The following RBMS3 variants were observed in gnomAD, a reference collection of about 807,000 sequenced individuals.
RBMS3 encodes RNA binding motif single stranded interacting protein 3.
A neutral mutation model predicts 66.8 loss-of-function variants in RBMS3; 27 were observed. The ratio of observed to expected loss-of-function variants is 0.40; its 90% confidence interval spans 0.30 to 0.56. The LOEUF (loss-of-function observed/expected upper bound fraction) is 0.56. Among genes scored for constraint, RBMS3 ranks in the 20% least tolerant of loss-of-function variants. The probability of loss-of-function intolerance (pLI) is 0.40; values close to 1 mark genes in which losing one functional copy is unlikely to be tolerated. For missense variants in RBMS3, 513 were observed against 549.5 expected, an observed-to-expected ratio of 0.93 and a Z score of 0.66; for synonymous variants, 188 against 183.0, an observed-to-expected ratio of 1.03 and a Z score of -0.22.
At chr3:29,875,302 C>T (rs780020237) in intron 7 of RBMS3, among the ~76,000 whole-genome samples, 1 of 152,088 alleles carries the variant, frequency 6.6e-6, no homozygotes, top group Non-Finnish European at 1.5e-5. Context: ...GTCAATTAGC[C>T]AAATTCCTGG....
chr3:29,437,999 A>G (rs1229999498), intron 2 of RBMS3, among the ~76,000 whole-genome samples: 2 of 150,354 alleles, frequency 1.3e-5, no homozygotes, highest in Non-Finnish European at 2.9e-5. Flanking sequence ...TAAGAGACCA[A>G]TGCAGGTCAT....
At chr3:29,594,569 C>T (rs1382948257) in intron 4 of RBMS3, among the ~76,000 whole-genome samples, 1 of 152,204 alleles carries the variant, frequency 6.6e-6, no homozygotes, top group Non-Finnish European at 1.5e-5. Context: ...ACATCTTCAA[C>T]AGACAGATCT....
At chr3:29,757,931 G>A (rs1028961512) in intron 5 of RBMS3, among the ~76,000 whole-genome samples, 2 of 152,246 alleles carry the variant, frequency 1.3e-5, no homozygotes, top group African/African-American at 4.8e-5. Context: ...GTGTTTAGCT[G>A]TCCTGTCTCA....
intron 4 of RBMS3, among the ~76,000 whole-genome samples, chr3:29,688,605 A>G (rs1412332842): frequency 1.4e-5 from 1 of 73,616 alleles, no homozygotes; most frequent in African/African-American, 5.8e-5. Context: ...TTTTTTTGAG[A>G]TGGAGTCTTG....
chr3:29,922,522 GAT>G (rs2060818235), intron 10 of RBMS3, among the ~76,000 whole-genome samples: 1 of 148,438 alleles, frequency 6.7e-6, no homozygotes, highest in Non-Finnish European at 1.5e-5. Flanking sequence ...AAAGAAAAAA[GAT>G]AGAAACTCAG....
chr3:29,618,282 G>A (rs1023459054), intron 4 of RBMS3, among the ~76,000 whole-genome samples: 4 of 152,078 alleles, frequency 2.6e-5, no homozygotes, highest in Non-Finnish European at 5.9e-5. Context: ...AACCCCTGAG[G>A]TCAAGAGTTC....
intron 12 of RBMS3, among the ~76,000 whole-genome samples, chr3:29,955,269 ATTC>A (rs375332134): frequency 1.5e-4 from 23 of 152,000 alleles, no homozygotes; most frequent in African/African-American, 4.8e-4. Context: ...GCGGGTTCTC[ATTC>A]TTCTTCGCTT....
intron 14 of RBMS3, among the ~76,000 whole-genome samples, chr3:29,995,544 C>A (rs558750450): frequency 6.7e-6 from 1 of 149,822 alleles, no homozygotes; most frequent in Non-Finnish European, 1.5e-5. Flanking sequence ...AAGGGAAGCC[C>A]ATCAGACTAA....
intron 7 of RBMS3, among the ~76,000 whole-genome samples, chr3:29,880,455 A>G (rs1214405549): frequency 6.6e-6 from 1 of 152,210 alleles, no homozygotes; most frequent in African/African-American, 2.4e-5. Flanking sequence ...TAGTGATTGT[A>G]TAATGATGAT....
chr3:29,786,537 C>G (rs1214246054), intron 6 of RBMS3, among the ~76,000 whole-genome samples: 2 of 151,920 alleles, frequency 1.3e-5, no homozygotes, highest in African/African-American at 4.8e-5. Context: ...CAGAAATAAG[C>G]CAAATACTTA....
intron 2 of RBMS3, among the ~76,000 whole-genome samples, chr3:29,468,570 A>T (rs1241089444): frequency 6.6e-6 from 1 of 152,160 alleles, no homozygotes; most frequent in African/African-American, 2.4e-5. Flanking sequence ...ATAACTTAAG[A>T]TGGACACTTA....
At chr3:29,794,824 T>C (rs1400097699) in intron 6 of RBMS3, among the ~76,000 whole-genome samples, 1 of 152,018 alleles carries the variant, frequency 6.6e-6, no homozygotes, top group Non-Finnish European at 1.5e-5. Context: ...TATCCACAGG[T>C]GATAAAGAGC....
At chr3:29,355,908 T>C (rs75724903) in intron 1 of RBMS3, among the ~76,000 whole-genome samples, 10,808 of 152,208 alleles carry the variant, frequency 0.071, 447 homozygotes, top group African/African-American at 0.11. Context: ...TCTGTACCTC[T>C]GGAAAGTTCC....
At chr3:29,567,623 C>T (rs915288740) in intron 3 of RBMS3, among the ~76,000 whole-genome samples, 1 of 152,022 alleles carries the variant, frequency 6.6e-6, no homozygotes, top group Non-Finnish European at 1.5e-5. Flanking sequence ...GAAGGAAAAT[C>T]GAAGGAGCAA....
At chr3:29,581,159 C>G (rs1198329010) in intron 3 of RBMS3, among the ~76,000 whole-genome samples, 1 of 152,128 alleles carries the variant, frequency 6.6e-6, no homozygotes, top group Non-Finnish European at 1.5e-5. Context: ...ATTGGTTCCC[C>G]TGTGGTATCC....
chr3:29,818,713 C>A (rs1421306918), intron 6 of RBMS3, among the ~76,000 whole-genome samples: 2 of 152,106 alleles, frequency 1.3e-5, no homozygotes, highest in Admixed American at 6.5e-5. Context: ...TTAATTTCTT[C>A]AAGCATCCCA....
At chr3:29,402,844 C>A (rs959707279) in intron 1 of RBMS3, among the ~76,000 whole-genome samples, 1 of 151,860 alleles carries the variant, frequency 6.6e-6, no homozygotes, top group East Asian at 1.9e-4. Context: ...AAGAAGAATT[C>A]AAATTGAGGG....
chr3:29,729,198 G>A (rs774271357), intron 4 of RBMS3, among the ~76,000 whole-genome samples: 10 of 143,352 alleles, frequency 7.0e-5, no homozygotes, highest in Non-Finnish European at 1.0e-4. Flanking sequence ...GTGTCCAAGT[G>A]ATCTCATTGT....
At chr3:29,375,937 T>C (rs183707716) in intron 1 of RBMS3, among the ~76,000 whole-genome samples, 3 of 152,148 alleles carry the variant, frequency 2.0e-5, no homozygotes, top group African/African-American at 7.2e-5. Context: ...AGCAAAGACA[T>C]GGAATCAACC....
Sources: gnomAD v4.1 joint callset for allele counts (sites outside exome capture counted in the v4.1 genomes callset) on GRCh38, gnomAD v4.1.1 for gene constraint, MANE v1.5 for transcripts, NCBI Gene and HGNC (gene_info 2026-07-23, HGNC 2026-07-21) for gene names.